PCP4: variants seen among roughly 807,000 people sequenced by gnomAD.
PCP4 encodes the protein calmodulin regulator protein PCP4.
PCP4 carries 8 observed loss-of-function variants against 10.0 expected under a neutral mutation model. The ratio of observed to expected loss-of-function variants is 0.80; its 90% confidence interval spans 0.47 to 1.45. PCP4 has a LOEUF of 1.45. Among genes scored for constraint, PCP4 ranks in the 40% most tolerant of loss-of-function variants. The pLI, the probability that PCP4 is intolerant of heterozygous loss-of-function variation, is 0.00. For synonymous variants in PCP4, 21 were observed against 23.0 expected (o/e 0.91, Z 0.24); for missense variants, 54 against 74.4 (o/e 0.73, Z 1.01).
intron 1 of PCP4, among the ~76,000 whole-genome samples, chr21:39,895,570 T>TTCTGCC (rs1031421177): frequency 1.3e-5 from 2 of 152,270 alleles, no homozygotes; most frequent in Non-Finnish European, 2.9e-5. Context: ...GGGGGCTGAA[T>TTCTGCC]TCTGCCTCTG....
chr21:39,890,175 G>A (rs766513597), intron 1 of PCP4, among the ~76,000 whole-genome samples: 7 of 152,136 alleles, frequency 4.6e-5, no homozygotes, highest in Non-Finnish European at 7.4e-5. Context: ...CAATGAAAAG[G>A]TTTCAATGAC....
chr21:39,909,800 CTTT>C (rs11420148), intron 2 of PCP4, among the ~76,000 whole-genome samples: 1 of 143,578 alleles, frequency 7.0e-6, no homozygotes, highest in African/African-American at 2.6e-5. Context: ...CTTTTCTTTT[CTTT>C]TTTTTTTTTG....
At chr21:39,915,402 T>G (rs2087564150) in intron 2 of PCP4, among the ~76,000 whole-genome samples, 1 of 152,192 alleles carries the variant, frequency 6.6e-6, no homozygotes, top group Non-Finnish European at 1.5e-5. Context: ...ATTATCAACT[T>G]GAAATAAAAT....
At chr21:39,909,339 C>T (rs189068603) in intron 2 of PCP4, among the ~76,000 whole-genome samples, 10 of 152,278 alleles carry the variant, frequency 6.6e-5, no homozygotes, top group East Asian at 1.9e-4. Flanking sequence ...TGTTCCGTGT[C>T]GCTGCTCTGT....
At chr21:39,890,682 T>A (rs2087425945) in intron 1 of PCP4, among the ~76,000 whole-genome samples, 2 of 152,150 alleles carry the variant, frequency 1.3e-5, no homozygotes, top group African/African-American at 4.8e-5. Flanking sequence ...ATTTTAATAT[T>A]TTGTTCATCA....
At chr21:39,880,890 C>T (rs978697887) in intron 1 of PCP4, among the ~76,000 whole-genome samples, 6 of 152,130 alleles carry the variant, frequency 3.9e-5, no homozygotes, top group Non-Finnish European at 7.3e-5. Context: ...GTTTGTTTTC[C>T]AGCCAATTAA....
intron 1 of PCP4, among the ~76,000 whole-genome samples, chr21:39,896,927 T>C (rs2087459405): frequency 6.6e-6 from 1 of 152,164 alleles, no homozygotes; most frequent in South Asian, 2.1e-4. Context: ...GGTTTTCTCC[T>C]TGTTCGGTGC....
At chr21:39,888,891 T>G (rs1055912993) in intron 1 of PCP4, among the ~76,000 whole-genome samples, 8 of 152,232 alleles carry the variant, frequency 5.3e-5, no homozygotes, top group African/African-American at 1.9e-4. Context: ...GCTTTGCACA[T>G]TGGTAAAGGT....
chr21:39,905,560 T>A (rs1023008637), intron 2 of PCP4, among the ~76,000 whole-genome samples: 6 of 152,192 alleles, frequency 3.9e-5, no homozygotes, highest in Admixed American at 1.3e-4. Context: ...CCATCTCAGT[T>A]AGAAGAGTGA....
intron 2 of PCP4, among the ~76,000 whole-genome samples, chr21:39,922,760 G>A (rs570125376): frequency 3.6e-4 from 55 of 152,348 alleles, no homozygotes; most frequent in African/African-American, 1.3e-3. Context: ...TAATGGACAG[G>A]TAGCTAGATA....
chr21:39,920,067 TTGTG>T (rs371640949), intron 2 of PCP4, among the ~76,000 whole-genome samples: 36 of 123,950 alleles, frequency 2.9e-4, no homozygotes, highest in African/African-American at 9.8e-4. Flanking sequence ...TAGGGTGTGT[TTGTG>T]TGTGTGTGGT....
At chr21:39,893,654 A>G (rs2087443897) in intron 1 of PCP4, among the ~76,000 whole-genome samples, 1 of 152,218 alleles carries the variant, frequency 6.6e-6, no homozygotes, top group Admixed American at 6.5e-5. Flanking sequence ...GTTGAACCTT[A>G]GATGGGTATG....
At chr21:39,915,413 G>A (rs1278311608) in intron 2 of PCP4, among the ~76,000 whole-genome samples, 1 of 152,198 alleles carries the variant, frequency 6.6e-6, no homozygotes, top group Non-Finnish European at 1.5e-5. Context: ...GAAATAAAAT[G>A]TTTCCTGATG....
intron 1 of PCP4, among the ~76,000 whole-genome samples, chr21:39,892,230 C>T (rs953985526): frequency 3.3e-5 from 5 of 152,176 alleles, no homozygotes; most frequent in African/African-American, 4.8e-5. Flanking sequence ...ACCCCATGTC[C>T]GCCGGTTATT....
chr21:39,870,440 G>A (rs1252042972), intron 1 of PCP4, among the ~76,000 whole-genome samples: 1 of 152,156 alleles, frequency 6.6e-6, no homozygotes, highest in African/African-American at 2.4e-5. Context: ...CTATCAGCTG[G>A]ATCAGAAATC....
intron 2 of PCP4, among the ~76,000 whole-genome samples, chr21:39,921,506 T>C (rs2087596417): frequency 6.6e-6 from 1 of 152,196 alleles, no homozygotes; most frequent in Non-Finnish European, 1.5e-5. Context: ...ATTCTGATTC[T>C]CTATGATGCA....
intron 1 of PCP4, among the ~76,000 whole-genome samples, chr21:39,882,338 A>G (rs539232544): frequency 6.6e-6 from 1 of 152,204 alleles, no homozygotes; most frequent in Non-Finnish European, 1.5e-5. Flanking sequence ...ATGACTGCTT[A>G]GGGACTGGCA....
intron 2 of PCP4, among the ~76,000 whole-genome samples, chr21:39,912,358 C>G (rs1337525667): frequency 1.3e-5 from 2 of 148,674 alleles, no homozygotes; most frequent in African/African-American, 5.0e-5. Context: ...AATTTTTGAT[C>G]CTGTTGCCCT....
chr21:39,891,449 C>G (rs1038532364), intron 1 of PCP4, among the ~76,000 whole-genome samples: 2 of 152,214 alleles, frequency 1.3e-5, no homozygotes, highest in South Asian at 4.1e-4. Context: ...CTCTGTGGAG[C>G]ACCTTGGATC....
Sources: allele counts gnomAD v4.1 joint callset (sites outside exome capture counted in the v4.1 genomes callset), GRCh38; gene constraint gnomAD v4.1.1; transcripts MANE v1.5; gene names NCBI Gene and HGNC (gene_info 2026-07-23, HGNC 2026-07-21).